PLCL2: variants seen among roughly 807,000 people sequenced by gnomAD.
The protein encoded by PLCL2 is phospholipase C like 2.
A neutral mutation model predicts 79.6 loss-of-function variants in PLCL2; 4 were observed. The observed-to-expected ratio is 0.05, with a 90% CI of 0.02 to 0.11. The LOEUF is 0.11. Ranked by LOEUF, PLCL2 falls within the 10% of genes least tolerant of loss-of-function variation. The pLI is 1.00. For synonymous variants in PLCL2, 484 were observed against 457.7 expected, an observed-to-expected ratio of 1.06 and a Z score of -0.73; for missense variants, 895 against 1,291.0, an observed-to-expected ratio of 0.69 and a Z score of 4.70.
chr3:17,008,977 C>G (rs1221802924), intron 1 of PLCL2, among the ~76,000 whole-genome samples: 1 of 151,830 alleles, frequency 6.6e-6, no homozygotes, highest in Non-Finnish European at 1.5e-5. Context: ...GCCACCATAT[C>G]TGGCTAATTA....
chr3:16,894,790 A>C (rs926070645), intron 1 of PLCL2, among the ~76,000 whole-genome samples: 2 of 152,028 alleles, frequency 1.3e-5, no homozygotes, highest in Admixed American at 6.6e-5. Context: ...CCCATTTAAA[A>C]AGTCAGGTTG....
chr3:17,089,281 G>A (rs2065250659), intron 5 of PLCL2, among the ~76,000 whole-genome samples: 1 of 152,174 alleles, frequency 6.6e-6, no homozygotes, highest in African/African-American at 2.4e-5. Flanking sequence ...AGTTATGTGA[G>A]ACATAACCAT....
rs140617982 is a variant in PLCL2 at position 16,993,260 on chromosome 3, T to G, written c.328-16414T>G. On this transcript the variant is annotated intron_variant, in intron 1 of 5. Coordinates refer to ENST00000615277, the MANE Select transcript of PLCL2 (RefSeq NM_001144382.2). ...CATGTTTATTGATACCCACATTCACTCTTTTTAACTGTCCCACTTTAGATG... is the reference window on the plus strand; with the variant it reads ...CATGTTTATTGATACCCACATTCACGCTTTTTAACTGTCCCACTTTAGATG... 6.4e-3 allele frequency among the ~76,000 whole-genome samples: 977 copies of G among 152,324 alleles called. 12 individuals carry two copies. Among genetic ancestry groups the G allele is most frequent in the African/African-American group, 0.023 (936 of 41,570 alleles).
chr3:16,983,976 A>G (rs763086502), intron 1 of PLCL2, among the ~76,000 whole-genome samples: 3 of 152,244 alleles, frequency 2.0e-5, no homozygotes, highest in Non-Finnish European at 2.9e-5. Context: ...TTATGAAGAC[A>G]ATCAAAATAT....
chr3:16,971,976 A>G (rs1446736541), intron 1 of PLCL2, among the ~76,000 whole-genome samples: 2 of 152,118 alleles, frequency 1.3e-5, no homozygotes, highest in Non-Finnish European at 2.9e-5. Flanking sequence ...ACAAAATTCA[A>G]CAGCCCTTCA....
At chr3:16,939,460 A>G (rs535555198) in intron 1 of PLCL2, among the ~76,000 whole-genome samples, 107 of 152,350 alleles carry the variant, frequency 7.0e-4, no homozygotes, top group African/African-American at 2.4e-3. Context: ...GTGGTTTTCA[A>G]GGGAGCAGGT....
At chr3:17,060,135 T>C (rs936281697) in intron 4 of PLCL2, among the ~76,000 whole-genome samples, 8 of 152,310 alleles carry the variant, frequency 5.3e-5, no homozygotes, top group African/African-American at 1.9e-4. Flanking sequence ...CGTGGTTGTG[T>C]GTTTAGAATG....
At chr3:16,940,675 T>C (rs566507724) in intron 1 of PLCL2, among the ~76,000 whole-genome samples, 2 of 152,320 alleles carry the variant, frequency 1.3e-5, no homozygotes, top group African/African-American at 4.8e-5. Context: ...AAAATAAGTC[T>C]TGGCATCAGA....
intron 5 of PLCL2, among the ~76,000 whole-genome samples, chr3:17,071,759 C>T (rs2065062293): frequency 6.6e-6 from 1 of 152,078 alleles, no homozygotes; most frequent in African/African-American, 2.4e-5. Flanking sequence ...ACATAAAATA[C>T]TGGCACATCT....
In PLCL2 at chr3:16,887,734, G is replaced by A. The variant is rs1485483393; in HGVS notation, c.327+2368G>A. On this transcript the variant is annotated intron_variant, in intron 1 of 5. Transcript: ENST00000615277. The surrounding 1 kb of genome is among the most constrained non-coding windows in gnomAD (Gnocchi z 4.1). ...AGTCTTTAACATCAAATTTCATAAA[G>A]CAACAAATACTGCACAGATAGTTTT... Among the ~76,000 whole-genome samples, 1 of 151,824 alleles carries A rather than the reference G, an allele frequency of 6.6e-6. No individual in the cohort carries two copies. The highest frequency in any genetic ancestry group is 1.5e-5 in the Non-Finnish European group (1 of 67,974).
At chr3:17,037,116 A>G (rs926535091) in intron 3 of PLCL2, among the ~76,000 whole-genome samples, 1 of 152,144 alleles carries the variant, frequency 6.6e-6, no homozygotes, top group East Asian at 1.9e-4. Context: ...ATTAGTTCCT[A>G]TTTTCTGAAA....
intron 4 of PLCL2, among the ~76,000 whole-genome samples, chr3:17,045,985 G>A (rs2064776358): frequency 6.6e-6 from 1 of 152,152 alleles, no homozygotes; most frequent in African/African-American, 2.4e-5. Flanking sequence ...CAAGAGTATG[G>A]GGACTTTGCT....
At chr3:17,004,419 G>A (rs1021774421) in intron 1 of PLCL2, among the ~76,000 whole-genome samples, 5 of 152,138 alleles carry the variant, frequency 3.3e-5, no homozygotes, top group East Asian at 1.9e-4. Context: ...CGCCCATGGA[G>A]GAGAGGCATC....
At chr3:16,951,151 T>C (rs1036845672) in intron 1 of PLCL2, among the ~76,000 whole-genome samples, 3 of 152,160 alleles carry the variant, frequency 2.0e-5, no homozygotes, top group Non-Finnish European at 2.9e-5. Flanking sequence ...TTATGTAACA[T>C]AGAATTTACC....
At chr3:16,955,104 G>A (rs1575550388) in intron 1 of PLCL2, among the ~76,000 whole-genome samples, 1 of 152,234 alleles carries the variant, frequency 6.6e-6, no homozygotes, top group South Asian at 2.1e-4. Context: ...CCTTGCACAT[G>A]ACTACGTCCT....
chr3:16,923,638 T>G (rs1697176341), intron 1 of PLCL2, among the ~76,000 whole-genome samples: 1 of 152,234 alleles, frequency 6.6e-6, no homozygotes, highest in African/African-American at 2.4e-5. Flanking sequence ...CCACCCTTAA[T>G]TAAACATTAT....
intron 3 of PLCL2, among the ~76,000 whole-genome samples, chr3:17,035,033 G>A (rs950711497): frequency 6.6e-6 from 1 of 152,136 alleles, no homozygotes; most frequent in Non-Finnish European, 1.5e-5. Flanking sequence ...AGTGATTCTG[G>A]AGCATCATGC....
intron 3 of PLCL2, among the ~76,000 whole-genome samples, chr3:17,020,637 C>A (rs2064440168): frequency 6.6e-6 from 1 of 152,014 alleles, no homozygotes; most frequent in Non-Finnish European, 1.5e-5. Context: ...ATCCATTTCC[C>A]CAGTAGAAAA....
At chr3:16,954,802 T>C (rs2063688293) in intron 1 of PLCL2, among the ~76,000 whole-genome samples, 1 of 152,214 alleles carries the variant, frequency 6.6e-6, no homozygotes, top group Non-Finnish European at 1.5e-5. Context: ...TTTTGGTGTG[T>C]TTTTTGGCTG....
Sources: gnomAD v4.1 joint callset for allele counts (sites outside exome capture counted in the v4.1 genomes callset) on GRCh38, gnomAD v4.1.1 for gene constraint, Gnocchi (gnomAD v3.1) non-coding constraint, MANE v1.5 for transcripts, NCBI Gene and HGNC (gene_info 2026-07-23, HGNC 2026-07-21) for gene names.